SLC4A1AP: variants seen among roughly 807,000 people sequenced by gnomAD.
SLC4A1AP encodes kanadaptin.
In SLC4A1AP, 64 loss-of-function variants were observed where a neutral mutation model predicts 89.7. That is an observed-to-expected ratio of 0.71 (90% CI 0.58 to 0.88). The LOEUF is 0.88. SLC4A1AP is among the 40% of genes least tolerant of loss of function. SLC4A1AP has a pLI of 0.00. For missense variants in SLC4A1AP, 931 were observed against 965.0 expected (o/e 0.96, Z 0.47); for synonymous variants, 366 against 353.3 (o/e 1.04, Z -0.40).
chr2:27,677,112 C>CT (rs1172276335), intron 6 of SLC4A1AP, among the ~76,000 whole-genome samples, 183 bp from the exon 7 acceptor site: 2 of 152,066 alleles, frequency 1.3e-5, no homozygotes, highest in African/African-American at 4.8e-5. Context: ...GCACTCTACC[C>CT]TGGCAACAGA....
rs747217284 is a variant in SLC4A1AP, at chr2:27,669,261, G to C, written c.1219G>C (p.Asp407His). ...AAATCAATGAAGATTACCTGTGGAC[G>C]ATTCAACTGGAAAACAACTGGTGGC... Residue 407 changes from aspartate to histidine, a missense_variant, in exon 5 of 14, where the codon GAT becomes CAT. Coordinates refer to ENST00000613058, the Ensembl canonical transcript of SLC4A1AP. The C allele has an allele frequency of 1.1e-5, 18 of 1,611,078 alleles. No individual in the cohort carries two copies. The South Asian group carries it at 1.8e-4, about 16-fold the overall frequency.
chr2:27,675,706 A>G lies in SLC4A1AP; in HGVS notation c.1506+14A>G, dbSNP rs758314971. On this transcript the variant is annotated intron_variant, in intron 6 of 13. Coordinates refer to ENST00000613058, the Ensembl canonical transcript of SLC4A1AP. ...TTTGAATCATTGGCAAGTTTTATTT[A>G]TGGAAGTAGCTGTGGTATTTAATAG... 8.4e-6 allele frequency: 13 copies of G among 1,551,710 alleles called. No homozygotes were observed. In the African/African-American group the frequency reaches 1.4e-4, roughly 16 times the overall value.
At chr2:27,664,763 C>T (rs1022392134) in intron 1 of SLC4A1AP, among the ~76,000 whole-genome samples, 186 bp downstream of exon 1, 2 of 152,166 alleles carry the variant, frequency 1.3e-5, no homozygotes. Flanking sequence ...GTTCACAATC[C>T]CGAACTCTAA....
intron 12 of SLC4A1AP, among the ~76,000 whole-genome samples, chr2:27,690,116 A>T (rs1675765973): frequency 6.6e-6 from 1 of 152,220 alleles, no homozygotes; most frequent in Non-Finnish European, 1.5e-5. Flanking sequence ...AACAGGCATA[A>T]GGACAATAGT....
At chr2:27,669,924 C>T (rs1051982396) in intron 5 of SLC4A1AP, among the ~76,000 whole-genome samples, 4 of 152,274 alleles carry the variant, frequency 2.6e-5, no homozygotes, top group East Asian at 1.9e-4. Flanking sequence ...AGTGCAATGG[C>T]GCAATCTCAC....
intron 2 of SLC4A1AP, among the ~76,000 whole-genome samples, chr2:27,665,751 C>T (rs1380299548): frequency 1.3e-5 from 2 of 151,880 alleles, no homozygotes; most frequent in African/African-American, 2.4e-5. Flanking sequence ...AAAGCTGGTC[C>T]CTTAGCCAAA....
At chr2:27,671,995 G>C (rs988102952) in intron 5 of SLC4A1AP, among the ~76,000 whole-genome samples, 1 of 152,192 alleles carries the variant, frequency 6.6e-6, no homozygotes, top group Admixed American at 6.5e-5. Context: ...TTTACATTCA[G>C]TGTTGCTTTT....
At chr2:27,668,659 A>C (rs753792401) in intron 3 of SLC4A1AP, 184 bp from the exon 4 acceptor site, 10 of 700,396 alleles carry the variant, frequency 1.4e-5, no homozygotes, top group African/African-American at 1.4e-4. Flanking sequence ...CATGTTGCAC[A>C]GACTGGTTTC....
chr2:27,683,585 A>T (rs1675654833), intron 9 of SLC4A1AP, among the ~76,000 whole-genome samples: 1 of 152,074 alleles, frequency 6.6e-6, no homozygotes, highest in Non-Finnish European at 1.5e-5. Flanking sequence ...ATTTTAATTC[A>T]GTTTAATTTA....
chr2:27,679,763 G>C (rs1172282829), intron 8 of SLC4A1AP, among the ~76,000 whole-genome samples: 1 of 152,140 alleles, frequency 6.6e-6, no homozygotes, highest in Non-Finnish European at 1.5e-5. Flanking sequence ...AAAAATGATG[G>C]TGGGGGAAGA....
exon 1 of SLC4A1AP, chr2:27,663,897 A>G (rs1675245539): frequency 6.2e-7 from 1 of 1,614,102 alleles, no homozygotes; most frequent in Non-Finnish European, 8.5e-7. Context: ...GCGGATTTCG[A>G]AGTTGCACCG....
chr2:27,690,697 C>T (rs764556682), intron 12 of SLC4A1AP, among the ~76,000 whole-genome samples: 4 of 151,940 alleles, frequency 2.6e-5, no homozygotes, highest in East Asian at 1.9e-4. Flanking sequence ...TTTTGTTGCC[C>T]GGGCTGGTCT....
intron 12 of SLC4A1AP, among the ~76,000 whole-genome samples, chr2:27,691,150 CTG>C (rs1479581141): frequency 5.3e-5 from 8 of 152,230 alleles, no homozygotes; most frequent in African/African-American, 1.9e-4. Context: ...TAGAATCTGA[CTG>C]TGAATCCTTC....
At chr2:27,677,311 A>T in exon 7 of SLC4A1AP, 1 of 1,613,316 alleles carries the variant, frequency 6.2e-7, no homozygotes, top group South Asian at 1.1e-5. Flanking sequence ...AAATTAAATG[A>T]TGCTGAAAGG....
Position 27,670,682 on chromosome 2 carries a change from C to G in SLC4A1AP, c.1345+1295C>G, listed in dbSNP as rs556865804. Among the ~76,000 whole-genome samples the G allele has an allele frequency of 4.0e-5, 6 of 151,498 alleles. No individual in the cohort carries two copies. In the East Asian group the frequency reaches 1.2e-3, roughly 30 times the overall value. On this transcript the variant is annotated intron_variant, in intron 5 of 13. Coordinates refer to ENST00000613058, the Ensembl canonical transcript of SLC4A1AP. ...CCATCCTGGCTAACACGGTGAAACC[C>G]CGTCTCTACCAAAAATACAAAAAAA...
exon 8 of SLC4A1AP, chr2:27,677,887 A>C: frequency 1.2e-6 from 2 of 1,606,708 alleles, no homozygotes; most frequent in Non-Finnish European, 1.7e-6. Flanking sequence ...AGGGTTAATA[A>C]AAATTGTAAA....
chr2:27,664,382 C>T (rs957118380), exon 1 of SLC4A1AP: 2 of 1,614,238 alleles, frequency 1.2e-6, no homozygotes, highest in South Asian at 2.2e-5. Context: ...CTCGGTACCA[C>T]GCAGTGCTGC....
At chr2:27,673,425 TCCCTCCCTC>T (rs1675461317) in intron 5 of SLC4A1AP, among the ~76,000 whole-genome samples, 1 of 45,946 alleles carries the variant, frequency 2.2e-5, no homozygotes, top group Non-Finnish European at 4.0e-5. Flanking sequence ...CCTCCCTCCC[TCCCTCCCTC>T]CCTCCCTCCC....
intron 5 of SLC4A1AP, among the ~76,000 whole-genome samples, chr2:27,675,221 C>G (rs1216208840): frequency 2.0e-5 from 3 of 152,192 alleles, no homozygotes; most frequent in Non-Finnish European, 2.9e-5. Flanking sequence ...AAATTGGTAT[C>G]TGTTAAACAC....
Sources: allele counts gnomAD v4.1 joint callset (sites outside exome capture counted in the v4.1 genomes callset), GRCh38; gene constraint gnomAD v4.1.1; transcripts MANE v1.5; gene names NCBI Gene and HGNC (gene_info 2026-07-23, HGNC 2026-07-21).